The following FLI1 variants were observed in gnomAD, a reference collection of about 807,000 sequenced individuals.
FLI1 encodes Friend leukemia integration 1 transcription factor.
A neutral mutation model predicts 53.1 loss-of-function variants in FLI1; 13 were observed. The ratio of observed to expected loss-of-function variants is 0.24; its 90% CI spans 0.16 to 0.39. The LOEUF is 0.39. Ranked by LOEUF, FLI1 falls within the 10% of genes least tolerant of loss-of-function variation. FLI1 has a pLI of 1.00. For missense variants in FLI1, 424 were observed against 600.5 expected, an observed-to-expected ratio of 0.71 and a Z score of 3.07; for synonymous variants, 244 against 236.7, an observed-to-expected ratio of 1.03 and a Z score of -0.28.
chr11:128,767,970 A>G (rs1316871254), intron 2 of FLI1, 148 bp from the exon 3 acceptor site: 2 of 651,864 alleles, frequency 3.1e-6, no homozygotes, highest in Non-Finnish European at 2.6e-6. Flanking sequence ...GAGGATAGAA[A>G]GAGGGCATCA....
intron 4 of FLI1, 84 bp from the exon 5 acceptor site, chr11:128,781,874 T>C: frequency 9.1e-7 from 1 of 1,093,368 alleles, no homozygotes; most frequent in Non-Finnish European, 1.4e-6. Flanking sequence ...TCTCTTTCCC[T>C]TTCTACTCCC....
At chr11:128,738,641 GCA>G (rs1436430196) in intron 1 of FLI1, among the ~76,000 whole-genome samples, 1 of 152,200 alleles carries the variant, frequency 6.6e-6, no homozygotes, top group African/African-American at 2.4e-5. Flanking sequence ...TAGCTCAGGC[GCA>G]GTTTCTTTAC....
chr11:128,761,511 G>A (rs751177960), intron 2 of FLI1, among the ~76,000 whole-genome samples: 2 of 152,168 alleles, frequency 1.3e-5, no homozygotes, highest in Non-Finnish European at 2.9e-5. Flanking sequence ...AAGTTAGGAC[G>A]CAGATCCAGG....
At chr11:128,773,082 G>A in intron 4 of FLI1, 97 bp downstream of exon 4, 1 of 1,141,900 alleles carries the variant, frequency 8.8e-7, no homozygotes, top group South Asian at 1.3e-5. Context: ...TTGGGCAGAT[G>A]CCGCCGGAGC....
At chr11:128,747,762 A>C (rs143553977) in intron 1 of FLI1, among the ~76,000 whole-genome samples, 1 of 152,302 alleles carries the variant, frequency 6.6e-6, no homozygotes, top group African/African-American at 2.4e-5. Flanking sequence ...TGTGGTTCCC[A>C]CTGCCATCTA....
chr11:128,691,112 C>T (rs993495176), upstream of FLI1, among the ~76,000 whole-genome samples: 1 of 152,188 alleles, frequency 6.6e-6, no homozygotes, highest in African/African-American at 2.4e-5. Context: ...AGGCCCTCAC[C>T]GCAGGCTCTC....
rs1591393739 is a variant in FLI1, at chr11:128,810,804, A to G, written c.1175A>G (p.His392Arg). ...GACATCTCCTACATGCCTTCCTACC[A>G]TGCCCACCAGCAGAAGGTGAACTTT... is the stretch of plus-strand genomic sequence containing the variant. Reference protein sequence around the residue: ...PSDISYMPSYHAHQQKVNFVP... With the variant: ...PSDISYMPSYRAHQQKVNFVP... Residue 392 changes from histidine to arginine, a missense_variant, in exon 9 of 9, where the codon CAT becomes CGT. Around this residue, in one of 5 missense-constraint regions of FLI1, gnomAD observed 87 missense variants for 100.0 expected, o/e 0.87. Transcript: ENST00000527786. This position sits in a 1 kb window ranked among gnomAD's most constrained non-coding sequence, Gnocchi z 6.6. 3.7e-6 allele frequency: 6 copies of G among 1,613,978 alleles called. No homozygotes were observed. Among genetic ancestry groups the G allele is most frequent in the African/African-American group, 1.3e-5 (1 of 75,038 alleles).
intron 4 of FLI1, among the ~76,000 whole-genome samples, chr11:128,773,445 C>A (rs1941635788): frequency 6.6e-6 from 1 of 151,900 alleles, no homozygotes; most frequent in Non-Finnish European, 1.5e-5. Flanking sequence ...CTCTGGCACA[C>A]CCTAACCCCA....
intron 1 of FLI1, among the ~76,000 whole-genome samples, chr11:128,725,386 G>A (rs185789415): frequency 7.2e-5 from 11 of 152,256 alleles, no homozygotes; most frequent in Non-Finnish European, 1.0e-4. Flanking sequence ...CGGCCGGCCG[G>A]TCCACTTCAG....
intron 1 of FLI1, among the ~76,000 whole-genome samples, chr11:128,698,271 T>C (rs946609544): frequency 6.6e-6 from 1 of 152,188 alleles, no homozygotes; most frequent in Non-Finnish European, 1.5e-5. Context: ...ACACACACCT[T>C]GTAATCTCCA....
intron 1 of FLI1, among the ~76,000 whole-genome samples, chr11:128,751,228 C>T (rs1940628950): frequency 6.6e-6 from 1 of 152,232 alleles, no homozygotes; most frequent in Non-Finnish European, 1.5e-5. Context: ...GGCAACTAAT[C>T]TTTTAAACAA....
rs115823848 is a variant in FLI1, at chr11:128,703,567, G to A, written c.18+9291G>A. 4.9e-3 allele frequency among the ~76,000 whole-genome samples: 743 copies of A among 152,166 alleles called. 7 individuals are homozygous for A. Among genetic ancestry groups the A allele is most frequent in the African/African-American group, 0.016 (674 of 41,506 alleles). On this transcript the variant is annotated intron_variant, in intron 1 of 8. Transcript: ENST00000527786. Reference sequence around the variant, plus strand: ...GCAAAAAGTTCCAAAATATTGGGCCGGGCACGGTGGCTCACTCCTGTAATC... The same window carrying A: ...GCAAAAAGTTCCAAAATATTGGGCCAGGCACGGTGGCTCACTCCTGTAATC...
chr11:128,746,123 T>A (rs1311687340), intron 1 of FLI1, among the ~76,000 whole-genome samples: 2 of 152,042 alleles, frequency 1.3e-5, no homozygotes, highest in African/African-American at 2.4e-5. Context: ...CTGGCTGGTG[T>A]GGAGGTGTGG....
chr11:128,770,078 A>G (rs1301601516), intron 3 of FLI1, among the ~76,000 whole-genome samples: 1 of 152,158 alleles, frequency 6.6e-6, no homozygotes, highest in African/African-American at 2.4e-5. Context: ...GCACCATCTC[A>G]TTTTGGTCGT....
intron 5 of FLI1, among the ~76,000 whole-genome samples, chr11:128,787,861 C>A (rs952274310): frequency 1.4e-5 from 2 of 141,116 alleles, no homozygotes; most frequent in Non-Finnish European, 3.0e-5. Context: ...GGCTGGAGTG[C>A]GGTGGCGTGA....
chr11:128,696,662 G>A (rs946198006), intron 1 of FLI1, among the ~76,000 whole-genome samples: 1 of 152,178 alleles, frequency 6.6e-6, no homozygotes, highest in Non-Finnish European at 1.5e-5. Context: ...CACTGATCGA[G>A]GTTGACGACA....
At chr11:128,735,198 A>G (rs1361529658) in intron 1 of FLI1, among the ~76,000 whole-genome samples, 2 of 152,258 alleles carry the variant, frequency 1.3e-5, no homozygotes, top group African/African-American at 4.8e-5. Flanking sequence ...AAAATAATCT[A>G]CAATTTTCCT....
chr11:128,787,308 A>G (rs1374628257), intron 5 of FLI1, among the ~76,000 whole-genome samples: 1 of 152,160 alleles, frequency 6.6e-6, no homozygotes, highest in Non-Finnish European at 1.5e-5. Context: ...TCCCCCTTCT[A>G]TAGATAATGA....
chr11:128,788,757 CATG>C (rs1240616041), intron 5 of FLI1, among the ~76,000 whole-genome samples: 1 of 152,128 alleles, frequency 6.6e-6, no homozygotes. Context: ...ATTATAGATA[CATG>C]ATACCTTAGT....
Sources: allele counts gnomAD v4.1 joint callset (sites outside exome capture counted in the v4.1 genomes callset), GRCh38; gene constraint gnomAD v4.1.1; regional missense constraint gnomAD v4.1.1; non-coding constraint Gnocchi (gnomAD v3.1); transcripts MANE v1.5; gene names NCBI Gene and HGNC (gene_info 2026-07-23, HGNC 2026-07-21).